The following ME3 variants were observed in gnomAD, a reference collection of about 807,000 sequenced individuals.
ME3 encodes NADP-dependent malic enzyme, mitochondrial.
ME3 carries 48 observed loss-of-function variants against 68.9 expected under a neutral mutation model. The observed-to-expected ratio is 0.70, with a 90% CI of 0.55 to 0.89. The LOEUF is 0.89. ME3 is among the 40% of genes least tolerant of loss of function. The pLI is 0.00. For missense variants in ME3, 675 were observed against 797.4 expected, an observed-to-expected ratio of 0.85 and a Z score of 1.85; for synonymous variants, 320 against 318.8, an observed-to-expected ratio of 1.00 and a Z score of -0.04.
At chr11:86,502,601 C>A (rs374768244) in intron 5 of ME3, among the ~76,000 whole-genome samples, 1 of 152,198 alleles carries the variant, frequency 6.6e-6, no homozygotes, top group East Asian at 1.9e-4. Context: ...ATGGACCTTA[C>A]GCTGGGAGCC....
At chr11:86,567,276 A>AAGGAAGGAAGGAAGGAAGGG (rs1565150223) in intron 2 of ME3, among the ~76,000 whole-genome samples, 1 of 148,840 alleles carries the variant, frequency 6.7e-6, no homozygotes, top group African/African-American at 2.5e-5. Flanking sequence ...GGAAGGAAGG[A>AAGGAAGGAAGGAAGGAAGGG]AGGGAGGAAA....
intron 2 of ME3, among the ~76,000 whole-genome samples, chr11:86,568,083 T>C (rs989719642): frequency 1.3e-5 from 2 of 152,190 alleles, no homozygotes; most frequent in African/African-American, 4.8e-5. Flanking sequence ...TTACAGATTA[T>C]ATTATCTGGT....
At chr11:86,641,479 A>T (rs1416776636) in intron 2 of ME3, among the ~76,000 whole-genome samples, 2 of 152,244 alleles carry the variant, frequency 1.3e-5, no homozygotes, top group African/African-American at 4.8e-5. Context: ...ATGTGTTTAC[A>T]GCCTGCCTTC....
At chr11:86,593,206 C>G (rs773164165) in intron 2 of ME3, among the ~76,000 whole-genome samples, 4 of 116,894 alleles carry the variant, frequency 3.4e-5, no homozygotes, top group African/African-American at 9.7e-5. Context: ...CCTTCACTCA[C>G]ATAGTAAAAG....
chr11:86,645,063 C>T (rs1168845881), intron 2 of ME3, among the ~76,000 whole-genome samples: 1 of 152,224 alleles, frequency 6.6e-6, no homozygotes, highest in Non-Finnish European at 1.5e-5. Flanking sequence ...TCTTTGCAAC[C>T]CGCAGACCAG....
rs1465063408 is a variant in ME3 at position 86,475,872 on chromosome 11, TATAGAG to T, written c.810-10678_810-10673del. Among the ~76,000 whole-genome samples the T allele has an allele frequency of 1.9e-3, 200 of 103,738 alleles. 2 individuals carry two copies. The highest frequency in any genetic ancestry group is 8.3e-3 in the East Asian group (34 of 4,102). The allele number at this position is 103,738 out of a possible 152,430, so 68.1% of individuals were successfully genotyped here. A position where few individuals can be genotyped will look rare whatever the true frequency, so the allele number is the denominator to read the frequency against. ...TTCAGTATATATATATATATATATA[TATAGAG>T]AGAGAGAGAGAGAGAGAGAGAGAAA... is the stretch of plus-strand genomic sequence containing the variant. On this transcript the variant is annotated intron_variant, in intron 7 of 14. Transcript: ENST00000543262.
intron 4 of ME3, among the ~76,000 whole-genome samples, chr11:86,529,760 A>G (rs1425008651): frequency 6.6e-6 from 1 of 152,254 alleles, no homozygotes; most frequent in Admixed American, 6.5e-5. Context: ...CAAAAACCAC[A>G]TGATTATCTC....
chr11:86,577,016 C>T (rs996486428), intron 2 of ME3, among the ~76,000 whole-genome samples: 6 of 152,150 alleles, frequency 3.9e-5, no homozygotes, highest in South Asian at 2.1e-4. Flanking sequence ...GCCAAGTCCC[C>T]TGGATTCCTG....
intron 2 of ME3, among the ~76,000 whole-genome samples, chr11:86,643,700 C>T (rs1944816380): frequency 6.6e-6 from 1 of 152,186 alleles, no homozygotes. Context: ...CTGCTTTACT[C>T]TTATGAGCTT....
intron 2 of ME3, among the ~76,000 whole-genome samples, chr11:86,600,418 T>C (rs1316067593): frequency 2.0e-5 from 3 of 152,140 alleles, no homozygotes; most frequent in Non-Finnish European, 4.4e-5. Context: ...TAAATATATA[T>C]GCACCCAATA....
At chr11:86,512,679 G>T (rs1485500009) in intron 4 of ME3, among the ~76,000 whole-genome samples, 1 of 152,168 alleles carries the variant, frequency 6.6e-6, no homozygotes, top group Admixed American at 6.5e-5. Context: ...TGTGGAGATG[G>T]TAGATGAACC....
At chr11:86,614,573 G>A (rs1942822253) in intron 2 of ME3, among the ~76,000 whole-genome samples, 1 of 152,070 alleles carries the variant, frequency 6.6e-6, no homozygotes, top group Admixed American at 6.6e-5. Context: ...TTCTCTGAGG[G>A]ACCCAGGTCT....
chr11:86,642,288 C>T (rs1425524969), intron 2 of ME3, among the ~76,000 whole-genome samples: 2 of 152,132 alleles, frequency 1.3e-5, no homozygotes, highest in Non-Finnish European at 2.9e-5. Context: ...CTCTTGAGCC[C>T]TTACAGGTGT....
chr11:86,554,554 T>C (rs367796292), intron 4 of ME3, among the ~76,000 whole-genome samples: 174 of 152,310 alleles, frequency 1.1e-3, no homozygotes, highest in African/African-American at 3.8e-3. Context: ...TGAAGAGAAA[T>C]AGACACTGAC....
At chr11:86,630,497 G>A (rs1379937609) in intron 2 of ME3, among the ~76,000 whole-genome samples, 1 of 152,202 alleles carries the variant, frequency 6.6e-6, no homozygotes, top group African/African-American at 2.4e-5. Flanking sequence ...TTTCTTTGCT[G>A]CAGAGTTTAA....
chr11:86,539,644 T>C (rs1472335300), intron 4 of ME3, among the ~76,000 whole-genome samples: 1 of 152,174 alleles, frequency 6.6e-6, no homozygotes, highest in Non-Finnish European at 1.5e-5. Flanking sequence ...ATGGCAGATA[T>C]AGGGAAGAAC....
chr11:86,667,538 A>G (rs1403141932), intron 2 of ME3, among the ~76,000 whole-genome samples: 2 of 152,216 alleles, frequency 1.3e-5, no homozygotes, highest in African/African-American at 4.8e-5. Flanking sequence ...AAATCATTTA[A>G]AGAACAAATA....
intron 5 of ME3, among the ~76,000 whole-genome samples, chr11:86,504,465 A>C (rs1178992911): frequency 1.5e-5 from 2 of 132,832 alleles, no homozygotes; most frequent in Non-Finnish European, 3.0e-5. Context: ...ATCTCGGCTC[A>C]CTGCAACCTC....
At chr11:86,545,698 A>T (rs2139378167) in intron 4 of ME3, among the ~76,000 whole-genome samples, 1 of 152,366 alleles carries the variant, frequency 6.6e-6, no homozygotes, top group East Asian at 1.9e-4. Flanking sequence ...TTCCATGCTC[A>T]TGGATAGGAA....
Sources: allele counts gnomAD v4.1 joint callset (sites outside exome capture counted in the v4.1 genomes callset), GRCh38; gene constraint gnomAD v4.1.1; transcripts MANE v1.5; gene names NCBI Gene and HGNC (gene_info 2026-07-23, HGNC 2026-07-21).